The following DMD variants were observed in gnomAD, a reference collection of about 807,000 sequenced individuals.
DMD encodes mutant dystrophin.
In DMD, 63 loss-of-function variants were observed where a neutral mutation model predicts 330.1. That is an observed-to-expected ratio of 0.19 (90% CI 0.16 to 0.24). The LOEUF (loss-of-function observed/expected upper bound fraction) is 0.24, where lower values mean the gene tolerates loss of function less well. Among genes scored for constraint, DMD ranks in the 10% least tolerant of loss-of-function variants. The probability of loss-of-function intolerance (pLI) is 1.00; values close to 1 mark genes in which losing one functional copy is unlikely to be tolerated. For missense variants in DMD, 3,344 were observed against 2,684.1 expected, an observed-to-expected ratio of 1.25 and a Z score of -5.43; for synonymous variants, 1,223 against 959.8, an observed-to-expected ratio of 1.27 and a Z score of -5.07.
intron 49 of DMD, among the ~76,000 whole-genome samples, chrX:31,830,201 G>A (rs6631415): frequency 0.1 from 11,353 of 112,199 alleles, 471 homozygotes; most frequent in East Asian, 0.24. Flanking sequence ...ACAATCACTC[G>A]TGGCAGAGAT....
chrX:33,176,742 C>T (rs1035436480), intron 1 of DMD, among the ~76,000 whole-genome samples: 4 of 110,974 alleles, frequency 3.6e-5, no homozygotes, highest in African/African-American at 6.6e-5. Flanking sequence ...TCAAGACCAG[C>T]CTTGCCAACA....
intron 1 of DMD, among the ~76,000 whole-genome samples, chrX:33,228,711 C>CT (rs759825087): frequency 5.1e-4 from 52 of 101,062 alleles, no homozygotes; most frequent in East Asian, 9.1e-4. Flanking sequence ...TTTTCTTCAG[C>CT]TTTTTTTTTT....
intron 68 of DMD, 72 bp from the exon 69 acceptor site, chrX:31,180,553 C>A (rs2148313314): frequency 2.9e-6 from 2 of 695,532 alleles, no homozygotes; most frequent in East Asian, 6.6e-5. Context: ...CTTTAATAAA[C>A]CTTCTACCAC....
At chrX:31,608,135 T>A (rs2077703519) in intron 55 of DMD, among the ~76,000 whole-genome samples, 1 of 112,114 alleles carries the variant, frequency 8.9e-6, no homozygotes, top group African/African-American at 3.2e-5. Flanking sequence ...TCCATTATCA[T>A]CACAAGGGTT....
At chrX:33,038,021 A>G (rs183301622) in intron 1 of DMD, among the ~76,000 whole-genome samples, 4 of 112,395 alleles carry the variant, frequency 3.6e-5, no homozygotes, top group East Asian at 5.6e-4. Context: ...CTAGACACCA[A>G]AAGTTTAAAT....
intron 1 of DMD, among the ~76,000 whole-genome samples, chrX:33,163,618 CTCTATCTA>C (rs74647711): frequency 2.0e-4 from 5 of 24,854 alleles, no homozygotes; most frequent in Non-Finnish European, 6.0e-4. Flanking sequence ...CTATATCTAT[CTCTATCTA>C]TCTATCTATC....
In DMD at chrX:31,170,605, A is replaced by C. The variant is rs941163330; in HGVS notation, c.10395-1004T>G. The stretch of plus-strand genomic sequence containing the variant: ...TGAAAAATATCAGAAATTTAGGAAA[A>C]AGTCCTTCTCATTTGAATTATTTTT... On this transcript the variant is annotated intron_variant, in intron 73 of 78. Transcript: ENST00000357033. 1.1e-4 allele frequency among the ~76,000 whole-genome samples: 12 copies of C among 111,675 alleles called. No individual in the cohort carries two copies. In the South Asian group the frequency reaches 1.5e-3, roughly 14 times the overall value.
At chrX:33,023,354 A>C (rs1347410177) in intron 1 of DMD, among the ~76,000 whole-genome samples, 1 of 111,732 alleles carries the variant, frequency 8.9e-6, no homozygotes, top group Non-Finnish European at 1.9e-5. Flanking sequence ...TCAGTTCAAC[A>C]TTATGAAAAC....
At chrX:31,978,355 G>A (rs1349811731) in intron 44 of DMD, among the ~76,000 whole-genome samples, 2 of 109,590 alleles carry the variant, frequency 1.8e-5, no homozygotes, top group Middle Eastern at 4.3e-3. Flanking sequence ...CTTCTTGCCC[G>A]GTTGATTCCA....
At chrX:33,086,129 C>T (rs932426606) in intron 1 of DMD, among the ~76,000 whole-genome samples, 2 of 111,525 alleles carry the variant, frequency 1.8e-5, no homozygotes, top group African/African-American at 6.5e-5. Context: ...TAAATCAACA[C>T]ATTTACATAA....
At chrX:31,215,089 T>C (rs113280852) in intron 64 of DMD, among the ~76,000 whole-genome samples, 14 of 106,723 alleles carry the variant, frequency 1.3e-4, no homozygotes, top group South Asian at 4.4e-4. Context: ...CTACAGTCGC[T>C]CGCCATCACG....
chrX:32,325,801 ATTTTT>A (rs56390411), intron 41 of DMD, among the ~76,000 whole-genome samples: 1 of 81,695 alleles, frequency 1.2e-5, no homozygotes, highest in Non-Finnish European at 2.4e-5. Context: ...TAAGTACTCA[ATTTTT>A]TTTTTTTTTT....
intron 1 of DMD, among the ~76,000 whole-genome samples, chrX:33,039,498 CTT>C (rs977865613): frequency 9.0e-5 from 10 of 111,304 alleles, no homozygotes; most frequent in African/African-American, 2.9e-4. Flanking sequence ...ATACAAAATG[CTT>C]TTGAGTCACC....
At chrX:33,330,006 T>G (rs1480165851) in intron 1 of DMD, among the ~76,000 whole-genome samples, 1 of 111,468 alleles carries the variant, frequency 9.0e-6, no homozygotes, top group Non-Finnish European at 1.9e-5. Context: ...TTCTTTGCCT[T>G]TAGCCTATAT....
intron 60 of DMD, among the ~76,000 whole-genome samples, chrX:31,380,321 C>A (rs762089096): frequency 9.1e-6 from 1 of 110,339 alleles, no homozygotes; most frequent in African/African-American, 3.3e-5. Flanking sequence ...TAGAGCCACA[C>A]CTCATTGCCG....
In DMD at chrX:32,557,436, C is replaced by A. The variant is rs113677531; in HGVS notation, c.1992+8266G>T. Among the ~76,000 whole-genome samples, 851 of 111,784 alleles carry A rather than the reference C, an allele frequency of 7.6e-3. 3 individuals are homozygous for A. The highest frequency in any genetic ancestry group is 0.023 in the African/African-American group (705 of 30,863). ...TTGACATGCTATATTGAAATCTGTGCAAAATTAGTCAAAATACACTACACA... is the reference window on the plus strand; with the variant it reads ...TTGACATGCTATATTGAAATCTGTGAAAAATTAGTCAAAATACACTACACA... On this transcript the variant is annotated intron_variant, in intron 16 of 78. Transcript: ENST00000357033.
chrX:32,023,299 G>C (rs4475664), intron 44 of DMD, among the ~76,000 whole-genome samples: 60,159 of 109,750 alleles, frequency 0.55, 13,556 homozygotes, highest in Admixed American at 0.69. Flanking sequence ...TCTAAGACCT[G>C]GGGGGTATTA....
intron 62 of DMD, among the ~76,000 whole-genome samples, chrX:31,280,711 GTTTACATAAATATAGGACAGAT>G (rs1245754973): frequency 8.9e-6 from 1 of 112,278 alleles, no homozygotes; most frequent in Non-Finnish European, 1.9e-5. Context: ...CACACAGGAT[GTTTACATAAATATAGGACAGAT>G]TCAGGTCATG....
chrX:33,265,781 G>A (rs1462307907), intron 1 of DMD, among the ~76,000 whole-genome samples: 2 of 111,325 alleles, frequency 1.8e-5, no homozygotes, highest in Middle Eastern at 4.7e-3. Context: ...AGAATTCCAC[G>A]TTAAAACTCC....
Sources: allele counts gnomAD v4.1 joint callset (sites outside exome capture counted in the v4.1 genomes callset), GRCh38; gene constraint gnomAD v4.1.1; transcripts MANE v1.5; gene names NCBI Gene and HGNC (gene_info 2026-07-23, HGNC 2026-07-21).